Variants in ARHGAP6 observed in about 807,000 individuals in gnomAD.
The protein encoded by ARHGAP6 is rho GTPase-activating protein 6.
A neutral mutation model predicts 55.7 loss-of-function variants in ARHGAP6; 16 were observed. The observed-to-expected ratio is 0.29, with a 90% CI of 0.19 to 0.44. The LOEUF (loss-of-function observed/expected upper bound fraction) is 0.44, where lower values mean the gene tolerates loss of function less well. Ranked by LOEUF, ARHGAP6 falls within the 20% of genes least tolerant of loss-of-function variation. The pLI, the probability that ARHGAP6 is intolerant of heterozygous loss-of-function variation, is 1.00. For synonymous variants in ARHGAP6, 382 were observed against 360.9 expected (o/e 1.06, Z -0.66); for missense variants, 698 against 808.9 (o/e 0.86, Z 1.66).
Position 11,506,073 on chromosome X carries a change from C to T in ARHGAP6, c.588+158168G>A, listed in dbSNP as rs771326506. 8.1e-5 allele frequency among the ~76,000 whole-genome samples: 9 copies of T among 111,115 alleles called. No homozygotes were observed. The South Asian group carries it at 1.9e-3, about 24-fold the overall frequency. On this transcript the variant is annotated intron_variant, in intron 1 of 12. Coordinates refer to ENST00000337414, the MANE Select transcript of ARHGAP6 (RefSeq NM_013427.3). ...AAAAAAGAACACAGAAGAGCTTGAA[C>T]GGGGATTACATCAATTCTATGCAAC...
intron 1 of ARHGAP6, among the ~76,000 whole-genome samples, chrX:11,470,673 G>A (rs1008357867): frequency 3.6e-5 from 4 of 112,196 alleles, no homozygotes; most frequent in Admixed American, 9.4e-5. Context: ...TAGCTTGGTC[G>A]TGCAGGACAC....
intron 2 of ARHGAP6, among the ~76,000 whole-genome samples, chrX:11,237,047 C>A (rs2047212478): frequency 8.9e-6 from 1 of 112,770 alleles, no homozygotes; most frequent in Admixed American, 9.3e-5. Flanking sequence ...CGCTAAGGCT[C>A]ATTTCTCATC....
intron 2 of ARHGAP6, among the ~76,000 whole-genome samples, chrX:11,216,536 C>T (rs1406392067): frequency 9.0e-5 from 10 of 111,173 alleles, no homozygotes; most frequent in Non-Finnish European, 1.5e-4. Context: ...GCCTGTAATC[C>T]CAACTATTCA....
intron 1 of ARHGAP6, among the ~76,000 whole-genome samples, chrX:11,621,823 T>C (rs1226921591): frequency 9.0e-6 from 1 of 111,341 alleles, no homozygotes; most frequent in Non-Finnish European, 1.9e-5. Flanking sequence ...GAAACATAAA[T>C]ACAAATAAGT....
At chrX:11,477,795 C>T (rs1001787460) in intron 1 of ARHGAP6, among the ~76,000 whole-genome samples, 1 of 111,583 alleles carries the variant, frequency 9.0e-6, no homozygotes, top group African/African-American at 3.3e-5. Context: ...TCTAGACAAA[C>T]AAAACTAATC....
intron 1 of ARHGAP6, among the ~76,000 whole-genome samples, chrX:11,399,201 T>G (rs182500650): frequency 2.2e-4 from 24 of 110,534 alleles, no homozygotes; most frequent in African/African-American, 7.9e-4. Context: ...GGAGGGAAAC[T>G]ATATGAAGCA....
intron 1 of ARHGAP6, among the ~76,000 whole-genome samples, chrX:11,572,228 T>C (rs766653483): frequency 9.0e-6 from 1 of 110,646 alleles, no homozygotes; most frequent in South Asian, 3.9e-4. Flanking sequence ...AGGGTACATG[T>C]GCACAATGTG....
At position 11,512,310 on chromosome X, in the gene ARHGAP6, T is replaced by C. The variant is rs183356281; in HGVS notation, c.588+151931A>G. On this transcript the variant is annotated intron_variant, in intron 1 of 12. Coordinates refer to ENST00000337414, the MANE Select transcript of ARHGAP6 (RefSeq NM_013427.3). ...TAAAAACATAACCTGGAAATTATTTTAGAAATCTCATTAATTACCATGGAG... is the reference window on the plus strand; with the variant it reads ...TAAAAACATAACCTGGAAATTATTTCAGAAATCTCATTAATTACCATGGAG... Among the ~76,000 whole-genome samples the C allele has an allele frequency of 9.3e-4, 104 of 111,829 alleles. No individual in the cohort carries two copies. The Middle Eastern group carries it at 0.014, about 15-fold the overall frequency.
intron 1 of ARHGAP6, among the ~76,000 whole-genome samples, chrX:11,477,170 A>C (rs1278788111): frequency 9.4e-6 from 1 of 106,765 alleles, no homozygotes; most frequent in Non-Finnish European, 1.9e-5. Flanking sequence ...ATAAAAAAAA[A>C]AAAACAATTT....
chrX:11,537,036 G>C (rs1383101036), intron 1 of ARHGAP6, among the ~76,000 whole-genome samples: 1 of 112,113 alleles, frequency 8.9e-6, no homozygotes. Flanking sequence ...ACTGGGAGCT[G>C]TCCCTCAATA....
chrX:11,186,313 T>C lies in ARHGAP6; in HGVS notation c.1196A>G (p.Lys399Arg). Residue 399 changes from lysine (K) to arginine (R), a missense_variant, in exon 5 of 13, where the codon AAG (lysine) becomes AGG (arginine). This residue lies in a region of ARHGAP6 where 322 missense variants were observed against 451.1 expected (regional missense o/e 0.71). Transcript: ENST00000337414. ...GTAAATAGGATTCAGACTGAGTTTC[T>C]TATCTCTGGCTTTTTCCTTTTTACT... is the stretch of plus-strand genomic sequence containing the variant. ...AQSKKEKARD[K>R]KLSLNPIYRQ... is the part of the protein sequence containing the mutation. 2.5e-6 allele frequency: 3 copies of C among 1,211,774 alleles called. No homozygotes were observed. Among genetic ancestry groups the C allele is most frequent in the Non-Finnish European group, 3.4e-6 (3 of 895,434 alleles).
chrX:11,471,670 AG>A (rs776612358), intron 1 of ARHGAP6, among the ~76,000 whole-genome samples: 1 of 112,386 alleles, frequency 8.9e-6, no homozygotes, highest in Non-Finnish European at 1.9e-5. Context: ...ACTTGTCTAA[AG>A]TAATACATTT....
intron 1 of ARHGAP6, among the ~76,000 whole-genome samples, chrX:11,639,847 C>T (rs777157657): frequency 1.8e-5 from 2 of 110,840 alleles, no homozygotes; most frequent in African/African-American, 6.6e-5. Flanking sequence ...ACTTCTAACC[C>T]CAATGCCCCT....
At chrX:11,235,440 C>T (rs940307934) in intron 2 of ARHGAP6, among the ~76,000 whole-genome samples, 1 of 110,668 alleles carries the variant, frequency 9.0e-6, no homozygotes, top group African/African-American at 3.3e-5. Context: ...GAGGGGCTGC[C>T]GTGCAGGTCT....
intron 1 of ARHGAP6, among the ~76,000 whole-genome samples, chrX:11,478,759 G>C (rs1034605): frequency 0.087 from 9,654 of 111,458 alleles, 451 homozygotes; most frequent in East Asian, 0.18. Context: ...GTGTTCATTT[G>C]TGCTTAATTT....
At chrX:11,315,581 A>C (rs775900709) in intron 1 of ARHGAP6, among the ~76,000 whole-genome samples, 1 of 112,143 alleles carries the variant, frequency 8.9e-6, no homozygotes, top group South Asian at 3.8e-4. Context: ...TGGCTTGCTC[A>C]AAAGACGAAG....
intron 1 of ARHGAP6, among the ~76,000 whole-genome samples, chrX:11,518,451 C>CT (rs1226278609): frequency 8.5e-4 from 69 of 81,655 alleles, no homozygotes; most frequent in African/African-American, 2.1e-3. Flanking sequence ...GCCCAATTTT[C>CT]TTTTTTTTTT....
In ARHGAP6 at chrX:11,618,126, A is replaced by G. The variant is rs770180087; in HGVS notation, c.588+46115T>C. Among the ~76,000 whole-genome samples, 13 of 111,547 alleles carry G rather than the reference A, an allele frequency of 1.2e-4. No homozygotes were observed. The East Asian group carries it at 3.4e-3, about 29-fold the overall frequency. ...TTGAAAATGGAGGAAGGGGCCACAA[A>G]CTAAGGAATGCAGGCAGCTTCTGTA... On this transcript the variant is annotated intron_variant, in intron 1 of 12. Transcript: ENST00000337414.
chrX:11,524,848 G>T (rs1422145890), intron 1 of ARHGAP6, among the ~76,000 whole-genome samples: 1 of 111,543 alleles, frequency 9.0e-6, no homozygotes, highest in African/African-American at 3.3e-5. Flanking sequence ...CCCTGAGCTT[G>T]TAGATGGTCC....
Sources: gnomAD v4.1 joint callset for allele counts (sites outside exome capture counted in the v4.1 genomes callset) on GRCh38, gnomAD v4.1.1 for gene constraint, gnomAD v4.1.1 regional missense constraint, MANE v1.5 for transcripts, NCBI Gene and HGNC (gene_info 2026-07-23, HGNC 2026-07-21) for gene names.